Variants in PIGB observed in about 807,000 individuals in gnomAD.
PIGB encodes phosphatidylinositol glycan anchor biosynthesis class B.
Under a neutral mutation model 68.4 loss-of-function variants are expected in PIGB, and 58 were observed. That is an observed-to-expected ratio of 0.85 (90% confidence interval 0.69 to 1.06). PIGB has a LOEUF of 1.06. Among genes scored for constraint, PIGB ranks in the 50% least tolerant of loss-of-function variants. The pLI is 0.00. For missense variants in PIGB, 634 were observed against 655.8 expected (o/e 0.97, Z 0.36); for synonymous variants, 219 against 220.5 (o/e 0.99, Z 0.06).
chr15:55,321,342 C>A lies in PIGB; in HGVS notation c.369C>A (p.Ser123Arg). ...RSYTYPLIFA[S>R]IYKILHLLGK... ...ACACTTATCCCTTAATCTTTGCAAG[C>A]ATTTACAAGATTCTTCATCTTTTAG... is the stretch of plus-strand genomic sequence containing the variant. Residue 123 changes from serine (S) to arginine (R), a missense_variant, in exon 3 of 12, where the codon AGC becomes AGA. Physicochemically the swap from Ser to Arg is moderately radical, Grantham distance 110 (BLOSUM62 -1). Transcript: ENST00000164305. 4 of 1,606,500 alleles carry A rather than the reference C, an allele frequency of 2.5e-6. No individual in the cohort carries two copies. Among genetic ancestry groups the A allele is most frequent in the Non-Finnish European group, 3.4e-6 (4 of 1,175,194 alleles).
chr15:55,335,351 A>G (rs593431), intron 6 of PIGB, among the ~76,000 whole-genome samples: 2,717 of 152,292 alleles, frequency 0.018, 74 homozygotes, highest in African/African-American at 0.062. Context: ...TACTGTTGTC[A>G]TTTCTCAGAT....
rs1388051819 is a variant in PIGB at position 55,339,318 on chromosome 15, A to C, written c.846A>C (p.Gln282His). 1 of 1,537,066 alleles carries C rather than the reference A, an allele frequency of 6.5e-7. No homozygotes were observed. Among genetic ancestry groups the C allele is most frequent in the African/African-American group, 1.4e-5 (1 of 72,912 alleles). Residue 282 changes from glutamine (Q) to histidine (H), a missense_variant and splice_region_variant, in exon 7 of 12, where the codon CAA becomes CAC. By Grantham distance (24) the Gln-to-His change is conservative (BLOSUM62 0). Coordinates refer to ENST00000164305, the MANE Select transcript of PIGB (RefSeq NM_004855.5). ...SLMIDRIFFG[Q>H]WTLVQFNFLK... ...TGATTGATCGTATTTTTTTTGGCCA[A>C]GTAAGTAAAAGTATATTAAGCTAAC...
At chr15:55,350,359 T>A in intron 9 of PIGB, 1 of 261,050 alleles carries the variant, frequency 3.8e-6, no homozygotes, top group Non-Finnish European at 7.3e-6. Context: ...ACCAGGGCAG[T>A]CACTGGACAT....
In PIGB at chr15:55,354,916, A is replaced by G. The variant is rs778718205; in HGVS notation, c.1456A>G (p.Arg486Gly). 6.2e-7 allele frequency: 1 copy of G among 1,613,468 alleles called. No homozygotes were observed. Among genetic ancestry groups the G allele is most frequent in the Non-Finnish European group, 8.5e-7 (1 of 1,179,562 alleles). ...FYLNPLNWLHREFHDDASLPT... is the reference protein window; with the variant it reads ...FYLNPLNWLHGEFHDDASLPT... ...CCTAAATCCCTTAAACTGGTTACAT[A>G]GAGAGTTTCATGATGATGCATCATT... The change falls in exon 11 of 12, where the codon AGA (arginine) becomes GGA (glycine). Residue 486 changes from arginine to glycine, a missense_variant. Coordinates refer to ENST00000164305, the MANE Select transcript of PIGB (RefSeq NM_004855.5).
intron 5 of PIGB, among the ~76,000 whole-genome samples, chr15:55,332,352 T>G (rs931721031): frequency 1.3e-5 from 2 of 152,012 alleles, no homozygotes; most frequent in Non-Finnish European, 2.9e-5. Flanking sequence ...CTCATCAACA[T>G]TACAGAATTC....
At chr15:55,337,556 GA>G (rs1390694674) in intron 6 of PIGB, among the ~76,000 whole-genome samples, 3 of 152,154 alleles carry the variant, frequency 2.0e-5, no homozygotes, top group East Asian at 3.8e-4. Flanking sequence ...GTTTCATCCA[GA>G]AACCATGCCC....
At chr15:55,324,820 C>T (rs943291326) in intron 3 of PIGB, 1 of 984,702 alleles carries the variant, frequency 1.0e-6, no homozygotes, top group African/African-American at 1.7e-5. Flanking sequence ...GCTCCCTATG[C>T]AGAGTAAACA....
rs766918801 is a variant in PIGB at position 55,354,873 on chromosome 15, T to A, written c.1413T>A (p.Asp471Glu). 8 of 1,613,688 alleles carry A rather than the reference T, an allele frequency of 5.0e-6. No homozygotes were observed. In the Admixed American group the frequency reaches 1.0e-4, roughly 20 times the overall value. The change falls in exon 11 of 12, where the codon GAT (aspartate) becomes GAA (glutamate). Residue 471 changes from aspartate (D) to glutamate (E), a missense_variant. Asp to Glu is a conservative substitution (Grantham distance 45). Coordinates refer to ENST00000164305, the MANE Select transcript of PIGB (RefSeq NM_004855.5). Reference protein sequence around the residue: ...PDLTGKSHYLDEADVFYLNPL... With the variant: ...PDLTGKSHYLEEADVFYLNPL... ...TGACTGGAAAAAGTCATTATCTTGA[T>A]GAAGCAGATGTATTTTACCTAAATC... is the stretch of plus-strand genomic sequence containing the variant.
intron 9 of PIGB, chr15:55,349,626 A>G (rs1214503256): frequency 6.6e-6 from 1 of 152,176 alleles, no homozygotes. Flanking sequence ...AAAAAATACT[A>G]GGTGACATGG....
At chr15:55,337,132 T>C (rs889714838) in intron 6 of PIGB, among the ~76,000 whole-genome samples, 2 of 150,982 alleles carry the variant, frequency 1.3e-5, no homozygotes, top group South Asian at 2.1e-4. Flanking sequence ...AAGAGACTCA[T>C]TTCATTTGTT....
At chr15:55,353,150 T>C (rs1160030597) in intron 10 of PIGB, among the ~76,000 whole-genome samples, 3 of 152,212 alleles carry the variant, frequency 2.0e-5, no homozygotes, top group African/African-American at 4.8e-5. Context: ...GTTGATGTCT[T>C]AGGCTTTGAA....
chr15:55,341,768 T>TC lies in PIGB; in HGVS notation c.1089_1090insC (p.Tyr364LeufsTer50). Reference sequence around the variant, plus strand: ...TGAGCCACAAAGAATTCAGGTTTATTTATCCAGTTTTACCATTCTGTATGG... The same window carrying TC: ...TGAGCCACAAAGAATTCAGGTTTATTCTATCCAGTTTTACCATTCTGTATGG... On this transcript the variant is annotated frameshift_variant, in exon 9 of 12. Coordinates refer to ENST00000164305, the MANE Select transcript of PIGB (RefSeq NM_004855.5). LOFTEE classifies it high-confidence loss of function. The TC allele has an allele frequency of 6.8e-7, 1 of 1,464,920 alleles. No individual in the cohort carries two copies. Among genetic ancestry groups the TC allele is most frequent in the Non-Finnish European group, 9.1e-7 (1 of 1,095,708 alleles). 90.7% of individuals were successfully genotyped at this position (1,464,920 alleles called of 1,614,324 possible).
chr15:55,319,288 G>C lies in PIGB; in HGVS notation c.38G>C (p.Gly13Ala), dbSNP rs942714779. The C allele has an allele frequency of 4.4e-6, 7 of 1,606,746 alleles. No homozygotes were observed. The highest frequency in any genetic ancestry group is 4.2e-6 in the Non-Finnish European group (5 of 1,177,244). ...RPLSKCGMEP[G>A]GGDASLTLHG... ...CTAAGCAAGTGCGGAATGGAGCCGG[G>C]GGGCGGAGATGCCAGCCTCACTTTG... The change falls in exon 1 of 12, where the codon GGG (glycine) becomes GCG (alanine). Residue 13 changes from glycine (G) to alanine (A), a missense_variant. Coordinates refer to ENST00000164305, the MANE Select transcript of PIGB (RefSeq NM_004855.5).
At chr15:55,341,139 T>A (rs567712195) in intron 8 of PIGB, among the ~76,000 whole-genome samples, 45 of 151,274 alleles carry the variant, frequency 3.0e-4, no homozygotes, top group African/African-American at 8.2e-4. Context: ...GGTGGGAGGA[T>A]TGCTTGAAGC....
intron 1 of PIGB, 95 bp from the exon 2 acceptor site, chr15:55,320,180 T>G: frequency 1.6e-6 from 2 of 1,243,370 alleles, no homozygotes; most frequent in Non-Finnish European, 2.2e-6. Flanking sequence ...CTACTGTGCC[T>G]TACAAGGAGC....
intron 9 of PIGB, among the ~76,000 whole-genome samples, chr15:55,342,673 G>GT (rs1234470074): frequency 6.6e-6 from 1 of 152,220 alleles, no homozygotes; most frequent in Non-Finnish European, 1.5e-5. Context: ...GATTGCAGGC[G>GT]TGAGCCACCG....
intron 3 of PIGB, among the ~76,000 whole-genome samples, chr15:55,322,430 A>C (rs1044002138): frequency 6.6e-6 from 1 of 152,182 alleles, no homozygotes; most frequent in African/African-American, 2.4e-5. Flanking sequence ...TGCTGGGGTC[A>C]GTTGCCAGGA....
chr15:55,321,139 C>T, intron 2 of PIGB, 134 bp from the exon 3 acceptor site: 2 of 560,280 alleles, frequency 3.6e-6, no homozygotes, highest in Non-Finnish European at 3.0e-6. Context: ...GTGGTGTGCA[C>T]CTGTAGAGGC....
In PIGB at chr15:55,321,395, G is replaced by A; in HGVS notation, c.417+5G>A. ...AAAGATAGTGTTCAGTTGCTGGTAA[G>A]TTTAAATAAAAGTAACTAAATGATA... On this transcript the variant is annotated splice_donor_5th_base_variant and intron_variant, in intron 3 of 11. Transcript: ENST00000164305. 1 of 1,576,958 alleles carries A rather than the reference G, an allele frequency of 6.3e-7. No homozygotes were observed. Among genetic ancestry groups the A allele is most frequent in the Non-Finnish European group, 8.6e-7 (1 of 1,162,438 alleles).
Sources: gnomAD v4.1 joint callset for allele counts (sites outside exome capture counted in the v4.1 genomes callset) on GRCh38, gnomAD v4.1.1 for gene constraint, MANE v1.5 for transcripts, NCBI Gene and HGNC (gene_info 2026-07-23, HGNC 2026-07-21) for gene names.